PXDNL: variants seen among roughly 807,000 people sequenced by gnomAD.
PXDNL encodes the protein probable oxidoreductase PXDNL.
In PXDNL, 145 loss-of-function variants were observed where a neutral mutation model predicts 150.8. The ratio of observed to expected loss-of-function variants is 0.96; its 90% CI spans 0.84 to 1.10. The LOEUF is 1.10. Ranked by LOEUF, PXDNL falls within the 50% of genes least tolerant of loss-of-function variation. The pLI, the probability that PXDNL is intolerant of heterozygous loss-of-function variation, is 0.00. For synonymous variants in PXDNL, 757 were observed against 725.7 expected (o/e 1.04, Z -0.69); for missense variants, 2,087 against 1,873.9 (o/e 1.11, Z -2.10).
At chr8:51,701,302 T>C (rs914731599) in intron 1 of PXDNL, among the ~76,000 whole-genome samples, 2 of 152,180 alleles carry the variant, frequency 1.3e-5, no homozygotes, top group African/African-American at 2.4e-5. Flanking sequence ...TTTCAAACAG[T>C]GAGTCACTGG....
chr8:51,708,555 A>G (rs1302117349), intron 1 of PXDNL, among the ~76,000 whole-genome samples: 1 of 152,246 alleles, frequency 6.6e-6, no homozygotes, highest in South Asian at 2.1e-4. Flanking sequence ...TACATCAGCA[A>G]TGTGGAGTAC....
At chr8:51,321,689 G>A (rs1298757286) in intron 21 of PXDNL, among the ~76,000 whole-genome samples, 2 of 152,082 alleles carry the variant, frequency 1.3e-5, no homozygotes, top group Non-Finnish European at 2.9e-5. Flanking sequence ...CACCATGATT[G>A]TAAGCTTCCT....
At chr8:51,358,034 A>G (rs1260635068) in intron 19 of PXDNL, among the ~76,000 whole-genome samples, 1 of 152,222 alleles carries the variant, frequency 6.6e-6, no homozygotes, top group Admixed American at 6.5e-5. Context: ...TTCATTATAA[A>G]AAAGAAAGCC....
At chr8:51,499,877 C>A in intron 4 of PXDNL, 107 bp from the exon 5 acceptor site, 1 of 747,696 alleles carries the variant, frequency 1.3e-6, no homozygotes, top group East Asian at 2.5e-5. Flanking sequence ...TCACTGGCCC[C>A]AACCACTATA....
intron 1 of PXDNL, among the ~76,000 whole-genome samples, chr8:51,683,093 A>C (rs1211290839): frequency 1.4e-5 from 2 of 145,596 alleles, no homozygotes; most frequent in East Asian, 4.2e-4. Context: ...TGGCTGCACC[A>C]TTTTGCATTC....
At position 51,408,523 on chromosome 8, in the gene PXDNL, C is replaced by G. The variant is rs746360964; in HGVS notation, c.3101G>C (p.Arg1034Pro). ...DPGTRMLRGYRGYNPNVNAGI... is the reference protein window; with the variant it reads ...DPGTRMLRGYPGYNPNVNAGI... ...TGCATTCACGTTGGGGTTGTAGCCT[C>G]GGTAACCCCTCAGCATCCTAGTGCC... Residue 1034 changes from arginine to proline, a missense_variant, in exon 17 of 23, where the codon CGA (arginine) becomes CCA (proline). By Grantham distance (103) the Arg-to-Pro change is moderately radical. Transcript: ENST00000356297. 47 of 1,612,852 alleles carry G rather than the reference C, an allele frequency of 2.9e-5. No homozygotes were observed. The highest frequency in any genetic ancestry group is 3.5e-5 in the Non-Finnish European group (41 of 1,179,474).
chr8:51,323,005 T>G (rs187199505), intron 21 of PXDNL, among the ~76,000 whole-genome samples: 1 of 152,204 alleles, frequency 6.6e-6, no homozygotes, highest in Admixed American at 6.5e-5. Flanking sequence ...CAATGCAGGC[T>G]TGAATGACAA....
chr8:51,484,761 T>A (rs1175673207), intron 5 of PXDNL, among the ~76,000 whole-genome samples: 6 of 152,172 alleles, frequency 3.9e-5, no homozygotes, highest in Admixed American at 1.3e-4. Context: ...CCTAGTAGTC[T>A]TGCACTTGCT....
intron 1 of PXDNL, among the ~76,000 whole-genome samples, chr8:51,806,282 A>T (rs4242477): frequency 0.89 from 135,216 of 152,238 alleles, 61,623 homozygotes; most frequent in East Asian, 1. Flanking sequence ...TACTACTAAT[A>T]AGCATTTACT....
intron 19 of PXDNL, among the ~76,000 whole-genome samples, chr8:51,349,076 C>A (rs1806254838): frequency 1.3e-5 from 2 of 152,026 alleles, no homozygotes; most frequent in African/African-American, 2.4e-5. Flanking sequence ...GTATGAATTA[C>A]AGCAGATAGG....
At chr8:51,604,059 T>A (rs1406100170) in intron 2 of PXDNL, among the ~76,000 whole-genome samples, 2 of 152,282 alleles carry the variant, frequency 1.3e-5, no homozygotes, top group East Asian at 1.9e-4. Flanking sequence ...CCTCCAAAAT[T>A]ATAATAAAAT....
At chr8:51,571,960 G>T (rs184138976) in intron 3 of PXDNL, among the ~76,000 whole-genome samples, 202 of 151,914 alleles carry the variant, frequency 1.3e-3, no homozygotes, top group African/African-American at 4.2e-3. Flanking sequence ...TATTTACAAT[G>T]GTTTCCCTTT....
chr8:51,625,230 C>T (rs1373126000), intron 2 of PXDNL, among the ~76,000 whole-genome samples: 3 of 152,132 alleles, frequency 2.0e-5, no homozygotes, highest in East Asian at 3.9e-4. Context: ...TTATCAGAAA[C>T]TTCGTTAGCA....
At chr8:51,483,521 AC>A (rs1430382187) in intron 6 of PXDNL, 121 bp downstream of exon 6, 1 of 693,812 alleles carries the variant, frequency 1.4e-6, no homozygotes, top group East Asian at 2.7e-5. Context: ...TTTCTCCCTA[AC>A]ATGCTAGAAT....
intron 1 of PXDNL, among the ~76,000 whole-genome samples, chr8:51,699,782 T>G (rs1330272498): frequency 1.3e-5 from 2 of 152,152 alleles, no homozygotes; most frequent in Non-Finnish European, 2.9e-5. Flanking sequence ...ATATCATGTC[T>G]TAAGGAATAG....
intron 17 of PXDNL, among the ~76,000 whole-genome samples, chr8:51,401,639 T>C (rs866935236): frequency 1.3e-5 from 2 of 152,294 alleles, no homozygotes; most frequent in Non-Finnish European, 1.5e-5. Context: ...GAAGCACCCT[T>C]TTCCTATGTC....
chr8:51,413,126 A>G lies in PXDNL; in HGVS notation c.1904+24T>C, dbSNP rs115351322. 979 of 1,346,192 alleles carry G rather than the reference A, an allele frequency of 7.3e-4. 5 individuals carry two copies. In the African/African-American group the frequency reaches 0.012, roughly 17 times the overall value. 83.4% of individuals were successfully genotyped at this position (1,346,192 alleles called of 1,614,324 possible). Reference sequence around the variant, plus strand: ...AGAACAGAAATGAAAACAAGGTTTCAATCTGTGTAAAATAAATTCTTACTG... The same window carrying G: ...AGAACAGAAATGAAAACAAGGTTTCGATCTGTGTAAAATAAATTCTTACTG... On this transcript the variant is annotated intron_variant, in intron 15 of 22. Transcript: ENST00000356297.
chr8:51,445,244 T>A lies in PXDNL; in HGVS notation c.1525+1760A>T, dbSNP rs560775607. Among the ~76,000 whole-genome samples the A allele has an allele frequency of 3.9e-5, 6 of 152,278 alleles. No individual in the cohort carries two copies. The East Asian group carries it at 9.7e-4, about 25-fold the overall frequency. ...GCCCCAGGTTAATGAATATTCTGAATAATCGATCTGATCAAGACTTTCAAT... is the reference window on the plus strand; with the variant it reads ...GCCCCAGGTTAATGAATATTCTGAAAAATCGATCTGATCAAGACTTTCAAT... On this transcript the variant is annotated intron_variant, in intron 12 of 22. Coordinates refer to ENST00000356297, the MANE Select transcript of PXDNL (RefSeq NM_144651.5).
intron 19 of PXDNL, among the ~76,000 whole-genome samples, chr8:51,370,222 G>A (rs1355276407): frequency 6.6e-6 from 1 of 152,226 alleles, no homozygotes; most frequent in Non-Finnish European, 1.5e-5. Context: ...GGGCAGAGGT[G>A]AGAAGAGCTA....
Sources: allele counts gnomAD v4.1 joint callset (sites outside exome capture counted in the v4.1 genomes callset), GRCh38; gene constraint gnomAD v4.1.1; transcripts MANE v1.5; gene names NCBI Gene and HGNC (gene_info 2026-07-23, HGNC 2026-07-21).